RGS3: variants seen among roughly 807,000 people sequenced by gnomAD.
RGS3 encodes regulator of G-protein signalling 3.
RGS3 carries 80 observed loss-of-function variants against 132.6 expected under a neutral mutation model. The observed-to-expected ratio is 0.60, with a 90% CI of 0.50 to 0.73. The LOEUF (loss-of-function observed/expected upper bound fraction) is 0.73. Among genes scored for constraint, RGS3 ranks in the 30% least tolerant of loss-of-function variants. The pLI, the probability that RGS3 is intolerant of heterozygous loss-of-function variation, is 0.00. For synonymous variants in RGS3, 598 were observed against 620.6 expected (o/e 0.96, Z 0.54); for missense variants, 1,382 against 1,530.8 (o/e 0.90, Z 1.62).
chr9:113,541,848 C>T (rs1832916315), intron 19 of RGS3: 1 of 990,016 alleles, frequency 1.0e-6, no homozygotes, highest in Non-Finnish European at 1.2e-6. Context: ...TCATTTTCCA[C>T]CTGTACACAT....
intron 1 of RGS3, among the ~76,000 whole-genome samples, chr9:113,454,243 T>TTA (rs1182221764): frequency 6.6e-6 from 1 of 152,232 alleles, no homozygotes; most frequent in Admixed American, 6.5e-5. Context: ...TTTGCCTTTT[T>TTA]GGGTTCTAGA....
At chr9:113,594,824 G>A in intron 22 of RGS3, 95 bp from the exon 21 acceptor site, 2 of 1,214,192 alleles carry the variant, frequency 1.6e-6, no homozygotes, top group Admixed American at 3.5e-5. Flanking sequence ...TGCAGACTGG[G>A]CCCAGGGCAG....
At chr9:113,500,982 G>A (rs1050152827) in intron 10 of RGS3, among the ~76,000 whole-genome samples, 18 of 152,148 alleles carry the variant, frequency 1.2e-4, no homozygotes, top group Non-Finnish European at 2.5e-4. Context: ...GAGCCACCAC[G>A]CCTGGCCGAA....
intron 1 of RGS3, among the ~76,000 whole-genome samples, chr9:113,447,509 A>G (rs1414390406): frequency 6.6e-6 from 1 of 150,764 alleles, no homozygotes; most frequent in African/African-American, 2.4e-5. Flanking sequence ...GGTCTATATT[A>G]CTTCTTGGGA....
chr9:113,560,504 A>T (rs1361445802), intron 19 of RGS3, among the ~76,000 whole-genome samples: 1 of 152,208 alleles, frequency 6.6e-6, no homozygotes, highest in Non-Finnish European at 1.5e-5. Flanking sequence ...TTGCAGCATC[A>T]GCGGCTTCAT....
intron 3 of RGS3, among the ~76,000 whole-genome samples, chr9:113,467,897 A>G (rs922085807): frequency 2.6e-5 from 4 of 152,120 alleles, no homozygotes; most frequent in African/African-American, 9.7e-5. Context: ...CTTATGTAAA[A>G]AAAACTTTTT....
At chr9:113,508,647 C>T in intron 14 of RGS3, 67 bp downstream of exon 12, 3 of 1,545,126 alleles carry the variant, frequency 1.9e-6, no homozygotes, top group Non-Finnish European at 1.8e-6. Context: ...TGAGGCCTGG[C>T]CCAGCCTCCG....
At chr9:113,510,700 G>A (rs543133179) in intron 14 of RGS3, among the ~76,000 whole-genome samples, 4 of 152,254 alleles carry the variant, frequency 2.6e-5, no homozygotes, top group East Asian at 1.9e-4. Context: ...AAGTCAGCAA[G>A]AGCACAGTTA....
chr9:113,515,600 C>T (rs1437610412), intron 15 of RGS3, among the ~76,000 whole-genome samples: 4 of 151,930 alleles, frequency 2.6e-5, no homozygotes, highest in Non-Finnish European at 5.9e-5. Flanking sequence ...CACTGCACTC[C>T]AGCCTGGGAG....
chr9:113,507,628 C>T lies in RGS3; in HGVS notation c.1427C>T (p.Pro476Leu). The change falls in exon 13 of 25, where the codon CCT (proline) becomes CTT (leucine). Residue 476 changes from proline (P) to leucine (L), a missense_variant. Coordinates refer to ENST00000350696, the Ensembl canonical transcript of RGS3. This position sits in a 1 kb window ranked among gnomAD's most constrained non-coding sequence, Gnocchi z 5.0. ...TACATCATCCTGGCCCCGCTGAATC[C>T]TGGGAGCCAGGTACGGACAGCTGGT... The T allele has an allele frequency of 6.8e-7, 1 of 1,467,636 alleles. No individual in the cohort carries two copies. Among genetic ancestry groups the T allele is most frequent in the South Asian group, 1.4e-5 (1 of 70,228 alleles). 90.9% of individuals were successfully genotyped at this position (1,467,636 alleles called of 1,614,324 possible).
chr9:113,587,327 C>G (rs2119006353), intron 20 of RGS3, among the ~76,000 whole-genome samples: 1 of 152,242 alleles, frequency 6.6e-6, no homozygotes, highest in East Asian at 1.9e-4. Context: ...TCCCCTGATG[C>G]TGATGGGCCA....
At chr9:113,481,958 A>G (rs1472368003) in intron 4 of RGS3, among the ~76,000 whole-genome samples, 1 of 152,078 alleles carries the variant, frequency 6.6e-6, no homozygotes, top group Non-Finnish European at 1.5e-5. Context: ...AGGCAGGAGA[A>G]TCACTTGAAC....
intron 14 of RGS3, among the ~76,000 whole-genome samples, chr9:113,510,182 A>G (rs1192503708): frequency 6.6e-6 from 1 of 152,196 alleles, no homozygotes; most frequent in Non-Finnish European, 1.5e-5. Flanking sequence ...TTGAGAACAT[A>G]CAATGTTTGG....
chr9:113,501,545 A>G (rs370452724), intron 10 of RGS3: 7 of 1,538,800 alleles, frequency 4.5e-6, no homozygotes, highest in East Asian at 2.4e-5. Context: ...CTGGGTTTTC[A>G]TGGGGCGGCA....
In RGS3 at chr9:113,591,681, G is replaced by C. The variant is rs61400660; in HGVS notation, c.3080+284G>C. ...GCCCGTTTGCCCTGGCTTTAGCCCA[G>C]CTTCTGAGCCAAGCAGGGACCAAGT... On this transcript the variant is annotated intron_variant, in intron 21 of 24. Coordinates refer to ENST00000350696, the Ensembl canonical transcript of RGS3. The surrounding 1 kb of genome is among the most constrained non-coding windows in gnomAD (Gnocchi z 4.4). The C allele has an allele frequency of 4.7e-6, 2 of 423,336 alleles. No individual in the cohort carries two copies. The highest frequency in any genetic ancestry group is 4.0e-5 in the African/African-American group (2 of 50,214). The allele number at this position is 423,336 out of a possible 1,614,324, so 26.2% of individuals were successfully genotyped here.
chr9:113,452,437 G>T, intron 1 of RGS3, among the ~76,000 whole-genome samples: 4 of 145,146 alleles, frequency 2.8e-5, no homozygotes, highest in African/African-American at 2.5e-5. Flanking sequence ...TTTTCTGGCT[G>T]CTTTTAAGAT....
intron 19 of RGS3, chr9:113,541,591 A>G: frequency 6.7e-6 from 9 of 1,351,338 alleles, no homozygotes; most frequent in Non-Finnish European, 8.6e-6. Flanking sequence ...GGATGTCAAC[A>G]GAAGGACCAC....
At chr9:113,533,014 T>G (rs556581986) in intron 18 of RGS3, among the ~76,000 whole-genome samples, 146 of 152,282 alleles carry the variant, frequency 9.6e-4, no homozygotes, top group Non-Finnish European at 1.5e-3. Flanking sequence ...GACCAGGTGA[T>G]GAGACCTCCC....
chr9:113,592,520 C>G (rs1431805973), intron 21 of RGS3: 1 of 152,004 alleles, frequency 6.6e-6, no homozygotes, highest in African/African-American at 2.4e-5. Flanking sequence ...GAGACAGAGT[C>G]TCCTTCTGTC....
Sources: allele counts gnomAD v4.1 joint callset (sites outside exome capture counted in the v4.1 genomes callset), GRCh38; gene constraint gnomAD v4.1.1; non-coding constraint Gnocchi (gnomAD v3.1); transcripts MANE v1.5; gene names NCBI Gene and HGNC (gene_info 2026-07-23, HGNC 2026-07-21).